DOCK1: variants seen among roughly 807,000 people sequenced by gnomAD.
DOCK1 encodes the protein dedicator of cytokinesis 1.
DOCK1 carries 138 observed loss-of-function variants against 262.7 expected under a neutral mutation model. That is an observed-to-expected ratio of 0.53 (90% CI 0.46 to 0.61). DOCK1 has a LOEUF of 0.61. Ranked by LOEUF, DOCK1 falls within the 20% of genes least tolerant of loss-of-function variation. The pLI is 0.00. For synonymous variants in DOCK1, 866 were observed against 867.4 expected (o/e 1.00, Z 0.03); for missense variants, 1,908 against 2,370.7 (o/e 0.80, Z 4.05).
chr10:127,251,085 C>T (rs946558630), intron 28 of DOCK1, among the ~76,000 whole-genome samples: 11 of 151,920 alleles, frequency 7.2e-5, no homozygotes, highest in African/African-American at 9.7e-5. Flanking sequence ...GCTTCAGCCT[C>T]CCGAGTAGCT....
chr10:127,003,692 G>A (rs1343902039), intron 10 of DOCK1, among the ~76,000 whole-genome samples: 1 of 152,198 alleles, frequency 6.6e-6, no homozygotes, highest in East Asian at 1.9e-4. Context: ...GCTGGGCGCT[G>A]CCTGTAATCC....
chr10:127,351,271 T>G (rs1306728415), intron 31 of DOCK1, among the ~76,000 whole-genome samples: 2 of 152,076 alleles, frequency 1.3e-5, no homozygotes, highest in African/African-American at 4.8e-5. Flanking sequence ...TAAGAAGCTC[T>G]GGGCAGAGCA....
intron 46 of DOCK1, among the ~76,000 whole-genome samples, chr10:127,424,594 T>C (rs1164683805): frequency 6.6e-6 from 1 of 152,204 alleles, no homozygotes; most frequent in East Asian, 1.9e-4. Flanking sequence ...CCGGTCTGTC[T>C]GCGTCATCCC....
At chr10:126,969,500 T>G (rs1052880963) in intron 1 of DOCK1, among the ~76,000 whole-genome samples, 2 of 152,102 alleles carry the variant, frequency 1.3e-5, no homozygotes, top group Non-Finnish European at 2.9e-5. Context: ...TGGCTTTTCT[T>G]TAGTTGGGGA....
At position 127,063,850 on chromosome 10, in the gene DOCK1, A is replaced by G. The variant is rs570085233; in HGVS notation, c.2445+2074A>G. ...AAGACCATGCTTCAGTGGGTGTTTT[A>G]TTATAAGACACAAGTGAATTGAGTG... On this transcript the variant is annotated intron_variant, in intron 23 of 51. Coordinates refer to ENST00000623213, the MANE Select transcript of DOCK1 (RefSeq NM_001290223.2). 6.6e-5 allele frequency among the ~76,000 whole-genome samples: 10 copies of G among 152,350 alleles called. No homozygotes were observed. In the East Asian group the frequency reaches 1.9e-3, roughly 29 times the overall value.
intron 22 of DOCK1, among the ~76,000 whole-genome samples, chr10:127,053,757 G>T (rs1245986562): frequency 1.3e-5 from 2 of 152,202 alleles, no homozygotes; most frequent in Non-Finnish European, 2.9e-5. Context: ...ACAGATGCAG[G>T]TTAAGAGCTG....
chr10:127,447,321 G>A (rs1565099189), intron 50 of DOCK1, 73 bp from the exon 51 acceptor site: 6 of 1,553,792 alleles, frequency 3.9e-6, no homozygotes, highest in African/African-American at 1.4e-5. Flanking sequence ...GGGAGGGAAC[G>A]TGGAGCAGCT....
At chr10:127,224,560 G>GAAA (rs759567078) in intron 27 of DOCK1, among the ~76,000 whole-genome samples, 2 of 128,410 alleles carry the variant, frequency 1.6e-5, no homozygotes, top group East Asian at 2.3e-4. Flanking sequence ...CTCTGCTTCA[G>GAAA]AAAAAAAAAA....
intron 1 of DOCK1, among the ~76,000 whole-genome samples, chr10:126,944,660 T>G (rs926541944): frequency 3.9e-5 from 6 of 151,908 alleles, no homozygotes; most frequent in Non-Finnish European, 8.8e-5. Flanking sequence ...AAGAGTGTCA[T>G]TGCTAGGGTG....
intron 35 of DOCK1, among the ~76,000 whole-genome samples, chr10:127,379,269 C>T (rs1022629483): frequency 6.6e-6 from 1 of 152,180 alleles, no homozygotes; most frequent in Admixed American, 6.5e-5. Context: ...ATTGCTCAAC[C>T]AGACGATATT....
chr10:127,263,907 C>T (rs944507504), intron 29 of DOCK1, among the ~76,000 whole-genome samples: 1 of 152,062 alleles, frequency 6.6e-6, no homozygotes, highest in Non-Finnish European at 1.5e-5. Flanking sequence ...ACTAATAACC[C>T]CTACTAGAAT....
At chr10:127,418,110 C>T (rs1253382076) in intron 44 of DOCK1, among the ~76,000 whole-genome samples, 2 of 152,188 alleles carry the variant, frequency 1.3e-5, no homozygotes, top group African/African-American at 2.4e-5. Context: ...GGGATGACCA[C>T]ATATGTGCAT....
intron 38 of DOCK1, among the ~76,000 whole-genome samples, chr10:127,393,935 C>A (rs922447575): frequency 1.3e-5 from 2 of 152,036 alleles, no homozygotes; most frequent in African/African-American, 4.8e-5. Context: ...TCTTGCCGCC[C>A]GCCTGAGTGT....
At position 126,987,543 on chromosome 10, in the gene DOCK1, G is replaced by T. The variant is rs1484796274; in HGVS notation, c.250G>T (p.Gly84Cys). ...CAGGCAACATGAAACAGTCATCCCG[G>T]GTGACCTCCCCCTCATCCAGGAAGT... ...GKGQHETVIP[G>C]DLPLIQEVTT... The change falls in exon 5 of 52, where the codon GGT becomes TGT. Residue 84 changes from glycine to cysteine, a missense_variant. Gly to Cys is a radical substitution (Grantham distance 159). This residue lies in a region of DOCK1 where 227 missense variants were observed against 254.1 expected (regional missense o/e 0.89). Coordinates refer to ENST00000623213, the MANE Select transcript of DOCK1 (RefSeq NM_001290223.2). The T allele has an allele frequency of 6.3e-7, 1 of 1,580,382 alleles. No individual in the cohort carries two copies. The highest frequency in any genetic ancestry group is 1.2e-5 in the South Asian group (1 of 85,678).
Position 127,175,929 on chromosome 10 carries a change from A to G in DOCK1, c.2847+48165A>G, listed in dbSNP as rs746126759. ...CGCGCCACATGGCCGGGCCTCCTCC[A>G]TGGGTCCAGCCTCGTTCTTCTCTTT... is the stretch of plus-strand genomic sequence containing the variant. On this transcript the variant is annotated intron_variant, in intron 27 of 51. Transcript: ENST00000623213. The surrounding 1 kb of genome is among the most constrained non-coding windows in gnomAD (Gnocchi z 6.3). 4.3e-6 allele frequency: 7 copies of G among 1,614,094 alleles called. No homozygotes were observed. The East Asian group carries it at 6.7e-5, about 15-fold the overall frequency.
At chr10:127,210,373 G>T (rs546716602) in intron 27 of DOCK1, among the ~76,000 whole-genome samples, 12 of 152,290 alleles carry the variant, frequency 7.9e-5, no homozygotes, top group African/African-American at 2.9e-4. Context: ...CGGCATTAGA[G>T]GGGCTGTAAA....
In DOCK1 at chr10:127,369,575, T is replaced by C. The variant is rs901005006; in HGVS notation, c.3433-4206T>C. Among the ~76,000 whole-genome samples, 20 of 152,358 alleles carry C rather than the reference T, an allele frequency of 1.3e-4. No homozygotes were observed. In the South Asian group the frequency reaches 1.9e-3, roughly 14 times the overall value. On this transcript the variant is annotated intron_variant, in intron 33 of 51. Coordinates refer to ENST00000623213, the MANE Select transcript of DOCK1 (RefSeq NM_001290223.2). ...ATGCAGCCCTAAAGTCACTCTTTAA[T>C]CTGTGTCATGTAGACATAAGGAGCC...
rs12770600 is a variant in DOCK1, at chr10:127,000,792, C to T, written c.985+485C>T. ...GTTCTTCCTCCGCCATGTTGGTGTT[C>T]TTCCTCCGCCATGTTGGTGCTTTTC... On this transcript the variant is annotated intron_variant, in intron 10 of 51. Transcript: ENST00000623213. 12 of 113,190 alleles carry T rather than the reference C, an allele frequency of 1.1e-4. No individual in the cohort carries two copies. In the East Asian group the frequency reaches 1.7e-3, roughly 16 times the overall value. 7.0% of individuals were successfully genotyped at this position (113,190 alleles called of 1,614,324 possible).
In DOCK1 at chr10:126,996,736, T is replaced by C; in HGVS notation, c.474-12T>C. On this transcript the variant is annotated splice_polypyrimidine_tract_variant and intron_variant, in intron 6 of 51. Transcript: ENST00000623213. ...CTATGTCTGTGAACTTACTAAATTCTTGTTGTTCTAGAATTCTAGATTTGG... is the reference window on the plus strand; with the variant it reads ...CTATGTCTGTGAACTTACTAAATTCCTGTTGTTCTAGAATTCTAGATTTGG... 6.2e-7 allele frequency: 1 copy of C among 1,601,698 alleles called. No individual in the cohort carries two copies. The highest frequency in any genetic ancestry group is 8.5e-7 in the Non-Finnish European group (1 of 1,176,046).
Sources: allele counts gnomAD v4.1 joint callset (sites outside exome capture counted in the v4.1 genomes callset), GRCh38; gene constraint gnomAD v4.1.1; regional missense constraint gnomAD v4.1.1; non-coding constraint Gnocchi (gnomAD v3.1); transcripts MANE v1.5; gene names NCBI Gene and HGNC (gene_info 2026-07-23, HGNC 2026-07-21).